MARS1: variants seen among roughly 807,000 people sequenced by gnomAD.
The protein encoded by MARS1 is methionine--tRNA ligase, cytoplasmic.
In MARS1, 80 loss-of-function variants were observed where a neutral mutation model predicts 119.5. That is an observed-to-expected ratio of 0.67 (90% CI 0.56 to 0.81). The LOEUF (loss-of-function observed/expected upper bound fraction) is 0.81, where lower values mean the gene tolerates loss of function less well. Ranked by LOEUF, MARS1 falls within the 30% of genes least tolerant of loss-of-function variation. The pLI is 0.00. For missense variants in MARS1, 945 were observed against 1,116.5 expected (o/e 0.85, Z 2.19); for synonymous variants, 418 against 433.4 (o/e 0.96, Z 0.44).
chr12:57,507,759 C>A (rs1360602852), intron 11 of MARS1, among the ~76,000 whole-genome samples: 1 of 147,030 alleles, frequency 6.8e-6, no homozygotes, highest in Non-Finnish European at 1.5e-5. Context: ...GGGGGCTGAC[C>A]CCCCACCTCC....
At chr12:57,511,657 T>C in intron 11 of MARS1, 41 bp from the exon 12 acceptor site, 3 of 1,609,612 alleles carry the variant, frequency 1.9e-6, no homozygotes, top group Non-Finnish European at 2.6e-6. Flanking sequence ...TAACCATATA[T>C]GAGACTTTCC....
intron 2 of MARS1, 36 bp downstream of exon 2, chr12:57,489,145 A>G (rs1335251391): frequency 6.2e-7 from 1 of 1,606,202 alleles, no homozygotes; most frequent in East Asian, 2.2e-5. Flanking sequence ...AGGTGGCTGA[A>G]TCAAATCAGG....
At chr12:57,500,650 A>G (rs1387074706) in intron 10 of MARS1, 128 bp downstream of exon 10, 1 of 800,006 alleles carries the variant, frequency 1.2e-6, no homozygotes. Flanking sequence ...TTTCTGCCCC[A>G]TCTCAGCAAC....
Position 57,490,193 on chromosome 12 carries a change from T to C in MARS1, c.491-14T>C. On this transcript the variant is annotated splice_polypyrimidine_tract_variant and intron_variant, in intron 5 of 20. Coordinates refer to ENST00000262027, the MANE Select transcript of MARS1 (RefSeq NM_004990.4). ...CCTTATGTTTGCTGATTTTCTTTTC[T>C]TCCATACCCACAGAGGAGCTGAGTG... is the stretch of plus-strand genomic sequence containing the variant. 6.2e-7 allele frequency: 1 copy of C among 1,604,180 alleles called. No individual in the cohort carries two copies. The highest frequency in any genetic ancestry group is 8.5e-7 in the Non-Finnish European group (1 of 1,176,002).
At chr12:57,488,721 A>C in intron 1 of MARS1, 2 of 1,422,254 alleles carry the variant, frequency 1.4e-6, no homozygotes, top group Non-Finnish European at 1.9e-6. Context: ...ATAATTATGA[A>C]GATATCCCAG....
Position 57,495,460 on chromosome 12 carries a change from G to T in MARS1, c.771-2697G>T, listed in dbSNP as rs548577236. Among the ~76,000 whole-genome samples, 112 of 151,900 alleles carry T rather than the reference G, an allele frequency of 7.4e-4. 1 individual carries two copies. Among genetic ancestry groups the T allele is most frequent in the African/African-American group, 2.6e-3 (108 of 41,386 alleles). ...AGACCATGGGCGGCCAGGCAGAGAC[G>T]CTTCTCACTTCCTAGACAGGTTGAC... On this transcript the variant is annotated intron_variant, in intron 7 of 20. Coordinates refer to ENST00000262027, the MANE Select transcript of MARS1 (RefSeq NM_004990.4).
At chr12:57,490,782 T>A in intron 7 of MARS1, 138 bp downstream of exon 7, 5 of 193,476 alleles carry the variant, frequency 2.6e-5, no homozygotes, top group Non-Finnish European at 3.8e-5. Context: ...TTACATCTCT[T>A]TTTTTTTTTT....
intron 11 of MARS1, 148 bp downstream of exon 11, chr12:57,504,447 T>A: frequency 1.5e-6 from 1 of 674,556 alleles, no homozygotes; most frequent in Non-Finnish European, 2.6e-6. Context: ...TGAAATAGAT[T>A]AAAGGGCACA....
chr12:57,508,316 G>C lies in MARS1; in HGVS notation c.1369-3382G>C, dbSNP rs570704498. 2.2e-3 allele frequency among the ~76,000 whole-genome samples: 337 copies of C among 152,162 alleles called. 2 individuals are homozygous for C. The highest frequency in any genetic ancestry group is 7.9e-3 in the African/African-American group (329 of 41,494). On this transcript the variant is annotated intron_variant, in intron 11 of 20. Transcript: ENST00000262027. Reference sequence around the variant, plus strand: ...TTGGGAGGCCAAGGCAGGCAGCTGGGAGGTGGAGGTTGTAGCGAGCCGAGA... The same window carrying C: ...TTGGGAGGCCAAGGCAGGCAGCTGGCAGGTGGAGGTTGTAGCGAGCCGAGA...
At chr12:57,495,056 G>A (rs1429283496) in intron 7 of MARS1, among the ~76,000 whole-genome samples, 3 of 145,190 alleles carry the variant, frequency 2.1e-5, no homozygotes, top group Non-Finnish European at 4.6e-5. Flanking sequence ...CGGGCAGAGG[G>A]GCTCCTCACT....
intron 15 of MARS1, 51 bp downstream of exon 15, chr12:57,513,015 T>C (rs760301949): frequency 2.7e-6 from 4 of 1,479,064 alleles, no homozygotes; most frequent in African/African-American, 1.4e-5. Flanking sequence ...GTGGGGCTCA[T>C]TTTCCCTCAG....
intron 11 of MARS1, among the ~76,000 whole-genome samples, chr12:57,510,786 G>T (rs1176002512): frequency 2.0e-5 from 3 of 151,806 alleles, no homozygotes; most frequent in Non-Finnish European, 4.4e-5. Flanking sequence ...AGAAAAAATT[G>T]GTTGGGCACG....
intron 11 of MARS1, chr12:57,511,464 C>G: frequency 1.9e-6 from 1 of 539,102 alleles, no homozygotes; most frequent in South Asian, 2.2e-5. Context: ...GTGGTCCCAG[C>G]TACTGGGGAG....
chr12:57,515,763 G>C (rs1877775059), intron 18 of MARS1, among the ~76,000 whole-genome samples, 157 bp from the exon 19 acceptor site: 1 of 152,186 alleles, frequency 6.6e-6, no homozygotes, highest in Admixed American at 6.5e-5. Context: ...CACAGGGAAA[G>C]CTACAGCTAA....
intron 7 of MARS1, among the ~76,000 whole-genome samples, chr12:57,493,353 A>G (rs1294073783): frequency 2.7e-5 from 2 of 74,744 alleles, no homozygotes; most frequent in South Asian, 6.5e-4. Flanking sequence ...TATAATATAT[A>G]TTATATGATA....
At chr12:57,501,594 C>A in intron 10 of MARS1, among the ~76,000 whole-genome samples, 1 of 151,490 alleles carries the variant, frequency 6.6e-6, no homozygotes. Flanking sequence ...CTGAGGTGGG[C>A]AGATCACTTG....
chr12:57,509,045 T>C (rs1386060189), intron 11 of MARS1, among the ~76,000 whole-genome samples: 1 of 152,230 alleles, frequency 6.6e-6, no homozygotes, highest in East Asian at 1.9e-4. Context: ...TTTAGTTAAC[T>C]ATTTATTATC....
At position 57,511,799 on chromosome 12, in the gene MARS1, C is replaced by T. The variant is rs776140119; in HGVS notation, c.1470C>T (p.Leu490=). Residue 490 remains leucine, a synonymous_variant, in exon 12 of 21, where the codon CTC becomes CTT. Transcript: ENST00000262027. ...CCCGTTCTTGGCTTCGGGATGGCCTCAAGCCACGCTGCATAACCCGAGACC... is the reference window on the plus strand; with the variant it reads ...CCCGTTCTTGGCTTCGGGATGGCCTTAAGCCACGCTGCATAACCCGAGACC... The part of the protein sequence containing the change: ...FITRSWLRDG[L]KPRCITRDLK... 3 of 1,614,168 alleles carry T rather than the reference C, an allele frequency of 1.9e-6. No homozygotes were observed. Among genetic ancestry groups the T allele is most frequent in the Admixed American group, 3.3e-5 (2 of 60,024 alleles).
intron 1 of MARS1, chr12:57,488,606 G>C: frequency 6.4e-7 from 1 of 1,551,022 alleles, no homozygotes; most frequent in Non-Finnish European, 8.7e-7. Context: ...GTTCCTTTCT[G>C]TTTACCTCTT....
Sources: gnomAD v4.1 joint callset for allele counts (sites outside exome capture counted in the v4.1 genomes callset) on GRCh38, gnomAD v4.1.1 for gene constraint, MANE v1.5 for transcripts, NCBI Gene and HGNC (gene_info 2026-07-23, HGNC 2026-07-21) for gene names.